The following SARS2 variants were observed in gnomAD, a reference collection of about 807,000 sequenced individuals.
SARS2 encodes the protein serine--tRNA ligase, mitochondrial.
Under a neutral mutation model 66.8 loss-of-function variants are expected in SARS2, and 52 were observed. The observed-to-expected ratio is 0.78, with a 90% confidence interval of 0.62 to 0.98. SARS2 has a LOEUF of 0.98. Among genes scored for constraint, SARS2 ranks in the 50% least tolerant of loss-of-function variants. SARS2 has a pLI of 0.00. For missense variants in SARS2, 673 were observed against 706.3 expected (o/e 0.95, Z 0.53); for synonymous variants, 306 against 281.4 (o/e 1.09, Z -0.87).
At chr19:38,918,231 C>T in intron 9 of SARS2, 92 bp from the exon 10 acceptor site, 2 of 1,393,310 alleles carry the variant, frequency 1.4e-6, no homozygotes, top group Non-Finnish European at 2.0e-6. Context: ...GTGGATGCAA[C>T]CCCAGGTCAA....
chr19:38,925,290 G>A (rs1974608606), intron 2 of SARS2, among the ~76,000 whole-genome samples: 1 of 152,168 alleles, frequency 6.6e-6, no homozygotes. Flanking sequence ...TCCAGCCTGG[G>A]TAACAGAGTG....
Position 38,916,186 on chromosome 19 carries a change from C to T in SARS2, c.1254+35G>A, listed in dbSNP as rs767462751. 8.1e-6 allele frequency: 13 copies of T among 1,613,474 alleles called. No individual in the cohort carries two copies. The South Asian group carries it at 1.4e-4, about 18-fold the overall frequency. Reference sequence around the variant, plus strand: ...CAGGGATGGGGGGCAGGCCTGTCCTCCTGCCCACCCCGTCCCCAGCGGCAC... The same window carrying T: ...CAGGGATGGGGGGCAGGCCTGTCCTTCTGCCCACCCCGTCCCCAGCGGCAC... On this transcript the variant is annotated intron_variant, in intron 13 of 15. Transcript: ENST00000221431.
intron 6 of SARS2, 97 bp from the exon 7 acceptor site, chr19:38,919,964 G>T: frequency 1.5e-6 from 2 of 1,369,574 alleles, no homozygotes; most frequent in Non-Finnish European, 2.0e-6. Flanking sequence ...TGCTGGGTGG[G>T]GCTGGGGCAT....
intron 7 of SARS2, 113 bp from the exon 8 acceptor site, chr19:38,918,926 G>A: frequency 9.1e-7 from 1 of 1,100,408 alleles, no homozygotes; most frequent in Admixed American, 2.0e-5. Context: ...AACTGAGGCA[G>A]GGGCTGGCGC....
rs771462217 is a variant in SARS2 at position 38,916,086 on chromosome 19, AGGCGGC to A, written c.1292_1297del (p.Arg431_Arg432del). 6.2e-7 allele frequency: 1 copy of A among 1,613,894 alleles called. No individual in the cohort carries two copies. Among genetic ancestry groups the A allele is most frequent in the South Asian group, 1.1e-5 (1 of 91,078 alleles). On this transcript the variant is annotated inframe_deletion, in exon 14 of 16. Transcript: ENST00000221431. ...AGCCTCGGTCTGGAACATGATGTGG[AGGCGGC>A]GGCTCTGGAAGTCTGTGCAGTTGGA...
At chr19:38,921,985 C>T (rs2144772547) in intron 3 of SARS2, 2 of 1,551,854 alleles carry the variant, frequency 1.3e-6, no homozygotes, top group Non-Finnish European at 1.7e-6. Flanking sequence ...GCGTGCTTGA[C>T]TTTGCCTCCT....
chr19:38,915,724 G>A lies in SARS2; in HGVS notation c.1439C>T (p.Ala480Val), dbSNP rs370014651. The A allele has an allele frequency of 1.3e-5, 21 of 1,613,030 alleles. No individual in the cohort carries two copies. In the East Asian group the frequency reaches 1.8e-4, roughly 14 times the overall value. ...QKDGSVLVPP[A>V]LQSYLGTDRI... Reference sequence around the variant, plus strand: ...ATCAGTGCCGAGGTAGGACTGGAGGGCAGGGGGCACGAGCACTGAGCCGTC... The same window carrying A: ...ATCAGTGCCGAGGTAGGACTGGAGGACAGGGGGCACGAGCACTGAGCCGTC... The change falls in exon 16 of 16, where the codon GCC becomes GTC. Residue 480 changes from alanine (A) to valine (V), a missense_variant. Coordinates refer to ENST00000221431, the MANE Select transcript of SARS2 (RefSeq NM_017827.4).
intron 3 of SARS2, 153 bp downstream of exon 3, chr19:38,922,085 C>G: frequency 6.3e-7 from 1 of 1,596,646 alleles, no homozygotes; most frequent in South Asian, 1.1e-5. Flanking sequence ...GCACCTGAAG[C>G]CAGTTTTAGT....
In SARS2 at chr19:38,930,514, C is replaced by T; in HGVS notation, c.223G>A (p.Glu75Lys). ...ACPEEAAHAL[E>K]LRKGELRSAD... Reference sequence around the variant, plus strand: ...GAGCGCAGCTCCCCCTTGCGGAGCTCCAGGGCGTGTGCGGCCTCTTCTGGG... The same window carrying T: ...GAGCGCAGCTCCCCCTTGCGGAGCTTCAGGGCGTGTGCGGCCTCTTCTGGG... Residue 75 changes from glutamate (E) to lysine (K), a missense_variant, in exon 1 of 16, where the codon GAG becomes AAG. By Grantham distance (56) the Glu-to-Lys change is moderately conservative. Transcript: ENST00000221431. 1.2e-6 allele frequency: 2 copies of T among 1,612,510 alleles called. No homozygotes were observed. Among genetic ancestry groups the T allele is most frequent in the Non-Finnish European group, 1.7e-6 (2 of 1,179,636 alleles).
rs1202441732 is a variant in SARS2, at chr19:38,918,897, C to A, written c.760-84G>T. 5.8e-6 allele frequency: 8 copies of A among 1,370,880 alleles called. No homozygotes were observed. The Admixed American group carries it at 7.9e-5, about 14-fold the overall frequency. The allele number at this position is 1,370,880 out of a possible 1,614,324, so 84.9% of individuals were successfully genotyped here. A position where few individuals can be genotyped will look rare whatever the true frequency, so the allele number is the denominator to read the frequency against. ...GCCCTGAAGAAGGGGTGCTGCAGAG[C>A]CCCTTCCTCCTCAGACGAAACTGAG... On this transcript the variant is annotated intron_variant, in intron 7 of 15. Coordinates refer to ENST00000221431, the MANE Select transcript of SARS2 (RefSeq NM_017827.4).
At chr19:38,917,550 G>A (rs374809219) in intron 12 of SARS2, among the ~76,000 whole-genome samples, 174 bp downstream of exon 12, 11 of 152,338 alleles carry the variant, frequency 7.2e-5, no homozygotes, top group African/African-American at 1.9e-4. Flanking sequence ...AGGGACGACC[G>A]GCACACGGCA....
At chr19:38,917,268 C>A (rs888010789) in intron 12 of SARS2, among the ~76,000 whole-genome samples, 1 of 152,224 alleles carries the variant, frequency 6.6e-6, no homozygotes, top group African/African-American at 2.4e-5. Flanking sequence ...CTTACGCTCC[C>A]AGTTTTTTAC....
At chr19:38,920,624 C>A (rs1974503697) in intron 5 of SARS2, among the ~76,000 whole-genome samples, 1 of 151,146 alleles carries the variant, frequency 6.6e-6, no homozygotes, top group Non-Finnish European at 1.5e-5. Context: ...GACACACACA[C>A]ATATACAGAC....
At chr19:38,930,000 A>T (rs1974703009) in intron 1 of SARS2, 1 of 159,200 alleles carries the variant, frequency 6.3e-6, no homozygotes, top group Admixed American at 6.2e-5. Context: ...TCATTCATTC[A>T]TTCATTAACT....
At chr19:38,929,177 G>A (rs1450587287) in intron 1 of SARS2, among the ~76,000 whole-genome samples, 1 of 151,628 alleles carries the variant, frequency 6.6e-6, no homozygotes, top group East Asian at 1.9e-4. Flanking sequence ...CAGCCTGGGA[G>A]ACAAGAGCAA....
chr19:38,925,093 C>T (rs893646586), intron 2 of SARS2, among the ~76,000 whole-genome samples: 1 of 152,202 alleles, frequency 6.6e-6, no homozygotes, highest in Non-Finnish European at 1.5e-5. Context: ...GCGGGTGGAT[C>T]ACCTGAGGTG....
At chr19:38,928,424 CCCG>C (rs1974667380) in intron 1 of SARS2, 7 of 68,108 alleles carry the variant, frequency 1.0e-4, no homozygotes, top group South Asian at 5.8e-4. Context: ...GGCCCCCCCC[CCCG>C]CAAAAAAAAA....
chr19:38,927,019 C>A (rs1974639992), intron 1 of SARS2, among the ~76,000 whole-genome samples: 1 of 151,490 alleles, frequency 6.6e-6, no homozygotes, highest in Non-Finnish European at 1.5e-5. Flanking sequence ...TCATTACAAC[C>A]TCTGCCTCCC....
At chr19:38,929,971 G>A (rs1395657317) in intron 1 of SARS2, 1 of 156,346 alleles carries the variant, frequency 6.4e-6, no homozygotes, top group African/African-American at 2.4e-5. Flanking sequence ...CAGTTTAATA[G>A]AACCATTCAT....
Sources: allele counts gnomAD v4.1 joint callset (sites outside exome capture counted in the v4.1 genomes callset), GRCh38; gene constraint gnomAD v4.1.1; transcripts MANE v1.5; gene names NCBI Gene and HGNC (gene_info 2026-07-23, HGNC 2026-07-21).